The following C16orf89 variants were observed in gnomAD, a reference collection of about 807,000 sequenced individuals.
C16orf89 encodes chromosome 16 open reading frame 89.
C16orf89 carries 57 observed loss-of-function variants against 41.5 expected under a neutral mutation model. The observed-to-expected ratio is 1.38, with a 90% CI of 1.11 to 1.71. C16orf89 has a LOEUF of 1.71. Among genes scored for constraint, C16orf89 ranks in the 40% most tolerant of loss-of-function variants. C16orf89 has a pLI of 0.00. For synonymous variants in C16orf89, 223 were observed against 190.6 expected, an observed-to-expected ratio of 1.17 and a Z score of -1.40; for missense variants, 575 against 445.9, an observed-to-expected ratio of 1.29 and a Z score of -2.61.
intron 6 of C16orf89, 131 bp from the exon 7 acceptor site, chr16:5,048,095 A>T: frequency 1.6e-6 from 1 of 612,172 alleles, no homozygotes; most frequent in South Asian, 1.9e-5. Flanking sequence ...TAACGCAATC[A>T]TAGCTCACCA....
chr16:5,062,338 C>T (rs1319969067), intron 2 of C16orf89, 87 bp downstream of exon 2: 31 of 1,453,880 alleles, frequency 2.1e-5, no homozygotes, highest in Middle Eastern at 2.2e-4. Flanking sequence ...CCCAGCCTTG[C>T]CCCAGGAGAG....
chr16:5,046,980 G>T (rs981292285), intron 7 of C16orf89, among the ~76,000 whole-genome samples: 8 of 152,214 alleles, frequency 5.3e-5, no homozygotes, highest in African/African-American at 1.9e-4. Context: ...CTGGTCACTT[G>T]CCCATTCATT....
At chr16:5,064,871 TG>T in intron 1 of C16orf89, among the ~76,000 whole-genome samples, 1 of 152,284 alleles carries the variant, frequency 6.6e-6, no homozygotes, top group African/African-American at 2.4e-5. Flanking sequence ...CTCCCTTCTT[TG>T]CTAAAAGAGG....
intron 6 of C16orf89, among the ~76,000 whole-genome samples, chr16:5,053,426 G>T (rs1027381313): frequency 3.3e-5 from 5 of 152,076 alleles, no homozygotes; most frequent in Admixed American, 2.6e-4. Flanking sequence ...GAGGGGGATG[G>T]GGGAGAGGAG....
At chr16:5,053,458 G>A (rs1351998799) in intron 6 of C16orf89, among the ~76,000 whole-genome samples, 1 of 152,038 alleles carries the variant, frequency 6.6e-6, no homozygotes, top group Non-Finnish European at 1.5e-5. Flanking sequence ...TTGGTTAGGG[G>A]ATGCACTAGT....
chr16:5,043,029 TACTC>T (rs1441045570), downstream of C16orf89: 6 of 152,182 alleles, frequency 3.9e-5, no homozygotes, highest in East Asian at 5.8e-4. Flanking sequence ...AGAAACACAA[TACTC>T]ACAGCAGTGG....
At chr16:5,059,116 T>TGTAATCC (rs1956566785) in intron 3 of C16orf89, among the ~76,000 whole-genome samples, 1 of 152,014 alleles carries the variant, frequency 6.6e-6, no homozygotes, top group Non-Finnish European at 1.5e-5. Flanking sequence ...GGCACGTGCC[T>TGTAATCC]GTAATCCCAG....
At position 5,065,863 on chromosome 16, in the gene C16orf89, G is replaced by C. The variant is rs1956731269; in HGVS notation, c.46C>G (p.Pro16Ala). 1 of 1,614,094 alleles carries C rather than the reference G, an allele frequency of 6.2e-7. No homozygotes were observed. The highest frequency in any genetic ancestry group is 1.3e-5 in the African/African-American group (1 of 74,942). ...LLLLLLLTAL[P>A]PLWSSSLPGL... is the part of the protein sequence containing the mutation. ...GGCAGTGAGGAGGACCACAGCGGTG[G>C]CAGTGCTGTCAGTAAGAGCAGGAGC... Residue 16 changes from proline to alanine, a missense_variant, in exon 1 of 8, where the codon CCA (proline) becomes GCA (alanine). By Grantham distance (27) the Pro-to-Ala change is conservative (BLOSUM62 -1). Transcript: ENST00000472572.
intron 2 of C16orf89, 45 bp from the exon 3 acceptor site, chr16:5,060,481 C>T (rs1327461895): frequency 1.3e-6 from 2 of 1,568,906 alleles, no homozygotes; most frequent in Non-Finnish European, 1.7e-6. Flanking sequence ...GGGGGTGACC[C>T]AGGAGCAGTG....
At position 5,058,477 on chromosome 16, in the gene C16orf89, C is replaced by G. The variant is rs953036471; in HGVS notation, c.627+16G>C. Reference sequence around the variant, plus strand: ...TCCCCTTCCCCTGGCACGGCGGGGGCTCCCTGGGCACTCACCATTCTGGCC... The same window carrying G: ...TCCCCTTCCCCTGGCACGGCGGGGGGTCCCTGGGCACTCACCATTCTGGCC... On this transcript the variant is annotated intron_variant, in intron 4 of 7. Coordinates refer to ENST00000472572, the MANE Select transcript of C16orf89 (RefSeq NM_001098514.3). The G allele has an allele frequency of 5.7e-6, 9 of 1,574,012 alleles. No individual in the cohort carries two copies. The African/African-American group carries it at 1.1e-4, about 19-fold the overall frequency.
chr16:5,065,186 T>C (rs746929890), intron 1 of C16orf89, among the ~76,000 whole-genome samples: 13 of 152,224 alleles, frequency 8.5e-5, no homozygotes, highest in African/African-American at 2.4e-4. Flanking sequence ...TACCTTGGCC[T>C]GTCTCCAGCC....
intron 1 of C16orf89, among the ~76,000 whole-genome samples, chr16:5,063,181 G>A (rs1450370448): frequency 6.6e-6 from 1 of 152,166 alleles, no homozygotes; most frequent in Non-Finnish European, 1.5e-5. Context: ...GAGCATTCAC[G>A]CAGGGCTGAG....
intron 1 of C16orf89, among the ~76,000 whole-genome samples, chr16:5,064,239 T>C (rs941286130): frequency 1.1e-4 from 16 of 152,356 alleles, no homozygotes; most frequent in African/African-American, 3.8e-4. Context: ...GAAAAATTGC[T>C]TTCCACAAAA....
In C16orf89 at chr16:5,065,685, A is replaced by T. The variant is rs1956725840; in HGVS notation, c.208+16T>A. The T allele has an allele frequency of 1.9e-6, 3 of 1,603,118 alleles. No homozygotes were observed. The highest frequency in any genetic ancestry group is 2.2e-5 in the South Asian group (2 of 90,820). ...AGCTTCCCAGTGTCCAGCCAGAGGA[A>T]TTGGGGCTCACTCACCTTCCAGCAC... On this transcript the variant is annotated intron_variant, in intron 1 of 7. Coordinates refer to ENST00000472572, the MANE Select transcript of C16orf89 (RefSeq NM_001098514.3).
In C16orf89 at chr16:5,056,110, G is replaced by A. The variant is rs555108239; in HGVS notation, c.706C>T (p.Arg236Cys). 62 of 1,599,750 alleles carry A rather than the reference G, an allele frequency of 3.9e-5. No homozygotes were observed. The South Asian group carries it at 4.6e-4, about 12-fold the overall frequency. ...GCGTATCCGATGGCCTCAGCTCTGC[G>A]GTTCAAGTCCATCATGTTGGCGCAG... Reference protein sequence around the residue: ...LFCANMMDLNRRAEAIGYAYP... With the variant: ...LFCANMMDLNCRAEAIGYAYP... Residue 236 changes from arginine (R) to cysteine (C), a missense_variant, in exon 5 of 8, where the codon CGC (arginine) becomes TGC (cysteine). Coordinates refer to ENST00000472572, the MANE Select transcript of C16orf89 (RefSeq NM_001098514.3).
At chr16:5,052,888 CA>C (rs1956423724) in intron 6 of C16orf89, among the ~76,000 whole-genome samples, 1 of 152,172 alleles carries the variant, frequency 6.6e-6, no homozygotes, top group South Asian at 2.1e-4. Flanking sequence ...TTTCTATCAG[CA>C]GATGAATGGA....
At chr16:5,060,506 C>T (rs1956595857) in intron 2 of C16orf89, 70 bp from the exon 3 acceptor site, 3 of 1,463,714 alleles carry the variant, frequency 2.0e-6, no homozygotes, top group African/African-American at 1.4e-5. Context: ...ACCCTGGTGT[C>T]CCCACCTCCT....
chr16:5,061,459 AGAGAGACAGAGTGAGACACTGTCTC>A (rs1956621270), intron 2 of C16orf89, among the ~76,000 whole-genome samples: 1 of 108,634 alleles, frequency 9.2e-6, no homozygotes, highest in Non-Finnish European at 1.9e-5. Context: ...AAAAAAAAAA[AGAGAGACAGAGTGAGACACTGTCTC>A]AAAAAAAAAA....
chr16:5,051,838 G>A (rs1234370547), intron 6 of C16orf89, among the ~76,000 whole-genome samples: 1 of 152,092 alleles, frequency 6.6e-6, no homozygotes, highest in Non-Finnish European at 1.5e-5. Flanking sequence ...GGTGGCTGAC[G>A]CCTATAATCC....
Sources: gnomAD v4.1 joint callset for allele counts (sites outside exome capture counted in the v4.1 genomes callset) on GRCh38, gnomAD v4.1.1 for gene constraint, MANE v1.5 for transcripts, NCBI Gene and HGNC (gene_info 2026-07-23, HGNC 2026-07-21) for gene names.